The following CIT variants were observed in gnomAD, a reference collection of about 807,000 sequenced individuals.
CIT encodes citron Rho-interacting kinase.
In CIT, 79 loss-of-function variants were observed where a neutral mutation model predicts 272.7. That is an observed-to-expected ratio of 0.29 (90% confidence interval 0.24 to 0.35). The LOEUF (loss-of-function observed/expected upper bound fraction) is 0.35, where lower values mean the gene tolerates loss of function less well. Among genes scored for constraint, CIT ranks in the 10% least tolerant of loss-of-function variants. The pLI, the probability that CIT is intolerant of heterozygous loss-of-function variation, is 1.00. For missense variants in CIT, 1,909 were observed against 2,618.3 expected, an observed-to-expected ratio of 0.73 and a Z score of 5.91; for synonymous variants, 948 against 995.6, an observed-to-expected ratio of 0.95 and a Z score of 0.90.
chr12:119,808,589 G>A (rs1237084881), intron 9 of CIT, among the ~76,000 whole-genome samples: 1 of 151,986 alleles, frequency 6.6e-6, no homozygotes, highest in East Asian at 1.9e-4. Context: ...ATGGATTGCA[G>A]AAATGGGAGA....
rs548459002 is a variant in CIT at position 119,764,105 on chromosome 12, G to A, written c.2304+2982C>T. Among the ~76,000 whole-genome samples, 40 of 152,230 alleles carry A rather than the reference G, an allele frequency of 2.6e-4. No homozygotes were observed. The South Asian group carries it at 4.4e-3, about 17-fold the overall frequency. Reference sequence around the variant, plus strand: ...TTTATAGCCTCAGTGGTCAAGAAAAGGCAGAAATGAAAGCCCCCGACCACC... The same window carrying A: ...TTTATAGCCTCAGTGGTCAAGAAAAAGCAGAAATGAAAGCCCCCGACCACC... On this transcript the variant is annotated intron_variant, in intron 19 of 47. Coordinates refer to ENST00000392521, the MANE Select transcript of CIT (RefSeq NM_001206999.2).
intron 6 of CIT, among the ~76,000 whole-genome samples, chr12:119,833,562 G>A (rs921245568): frequency 2.1e-4 from 31 of 151,112 alleles, no homozygotes; most frequent in African/African-American, 7.3e-5. Flanking sequence ...CTACTTGGGA[G>A]GCTGAGGCAG....
At chr12:119,707,191 C>G (rs778178247) in intron 40 of CIT, among the ~76,000 whole-genome samples, 9 of 152,144 alleles carry the variant, frequency 5.9e-5, no homozygotes, top group African/African-American at 2.2e-4. Flanking sequence ...GACATACACA[C>G]GCACATGCAA....
intron 24 of CIT, among the ~76,000 whole-genome samples, chr12:119,736,136 T>C (rs888340809): frequency 6.6e-6 from 1 of 152,234 alleles, no homozygotes; most frequent in African/African-American, 2.4e-5. Context: ...TTTAGTATTA[T>C]GGCTTGCAGA....
Position 119,834,233 on chromosome 12 carries a change from A to T in CIT, c.517-5T>A, listed in dbSNP as rs763132450. 1 of 1,584,676 alleles carries T rather than the reference A, an allele frequency of 6.3e-7. No individual in the cohort carries two copies. The highest frequency in any genetic ancestry group is 1.2e-5 in the South Asian group (1 of 85,896). The stretch of plus-strand genomic sequence containing the variant: ...TCCAGGCTGATATTCCATGACCTGT[A>T]TAGAATGCCAAAGTTATTAATTCTT... On this transcript the variant is annotated splice_region_variant and splice_polypyrimidine_tract_variant and intron_variant, in intron 5 of 47. Coordinates refer to ENST00000392521, the MANE Select transcript of CIT (RefSeq NM_001206999.2).
At chr12:119,839,817 C>G (rs1198670663) in intron 5 of CIT, among the ~76,000 whole-genome samples, 1 of 152,050 alleles carries the variant, frequency 6.6e-6, no homozygotes, top group Non-Finnish European at 1.5e-5. Flanking sequence ...TGATGAAGCA[C>G]CCCAGGGCTA....
At chr12:119,840,614 C>T (rs1458259285) in intron 5 of CIT, among the ~76,000 whole-genome samples, 1 of 152,088 alleles carries the variant, frequency 6.6e-6, no homozygotes, top group Admixed American at 6.6e-5. Flanking sequence ...AAAATTGAAG[C>T]GGAAAAGGCC....
chr12:119,810,783 TG>T (rs1332564673), intron 9 of CIT, among the ~76,000 whole-genome samples: 1 of 150,924 alleles, frequency 6.6e-6, no homozygotes, highest in Non-Finnish European at 1.5e-5. Flanking sequence ...GTTCTTATCA[TG>T]GGAACAACTC....
chr12:119,839,568 C>G (rs903428552), intron 5 of CIT, among the ~76,000 whole-genome samples: 4 of 152,226 alleles, frequency 2.6e-5, no homozygotes, highest in African/African-American at 9.6e-5. Flanking sequence ...AATAAAAACT[C>G]TGTTATTTTC....
At chr12:119,871,572 A>G (rs1950679723) in intron 2 of CIT, among the ~76,000 whole-genome samples, 1 of 152,026 alleles carries the variant, frequency 6.6e-6, no homozygotes. Flanking sequence ...CAAGTTCCCC[A>G]GCAGGGAGAG....
Position 119,690,115 on chromosome 12 carries a change from C to T in CIT, c.6186+36G>A, listed in dbSNP as rs1043485578. On this transcript the variant is annotated intron_variant, in intron 47 of 47. Coordinates refer to ENST00000392521, the MANE Select transcript of CIT (RefSeq NM_001206999.2). The surrounding 1 kb of genome is among the most constrained non-coding windows in gnomAD (Gnocchi z 6.0). ...AGTTCCCCAAGTCACTCCTGGCCTC[C>T]GCAACAGACACACAGGCCTCGGAAT... 12 of 1,439,546 alleles carry T rather than the reference C, an allele frequency of 8.3e-6. No homozygotes were observed. Among genetic ancestry groups the T allele is most frequent in the Admixed American group, 2.8e-5 (1 of 35,694 alleles). 89.2% of individuals were successfully genotyped at this position (1,439,546 alleles called of 1,614,324 possible).
chr12:119,729,959 C>T (rs2137211906), intron 27 of CIT, among the ~76,000 whole-genome samples: 1 of 152,286 alleles, frequency 6.6e-6, no homozygotes, highest in African/African-American at 2.4e-5. Context: ...ATCTCCAAAA[C>T]ATTGTTTATG....
At chr12:119,820,155 A>G (rs1967562431) in intron 9 of CIT, among the ~76,000 whole-genome samples, 1 of 152,262 alleles carries the variant, frequency 6.6e-6, no homozygotes, top group Non-Finnish European at 1.5e-5. Flanking sequence ...GAGAATTGGT[A>G]AAATCCAAAA....
intron 7 of CIT, among the ~76,000 whole-genome samples, chr12:119,831,839 C>T (rs1968661860): frequency 6.6e-6 from 1 of 152,000 alleles, no homozygotes; most frequent in Non-Finnish European, 1.5e-5. Flanking sequence ...CACTGCACTC[C>T]AGCCTGGGGG....
rs1043389319 is a variant in CIT, at chr12:119,712,953, G to A, written c.4579+250C>T. 8 of 581,492 alleles carry A rather than the reference G, an allele frequency of 1.4e-5. No individual in the cohort carries two copies. In the African/African-American group the frequency reaches 1.5e-4, roughly 11 times the overall value. The allele number at this position is 581,492 out of a possible 1,614,324, so 36.0% of individuals were successfully genotyped here. ...ATTTATGGGTTAGTTGACTGAGGCA[G>A]AAGTTCTCGGAAGGTGTATTAGCAG... is the stretch of plus-strand genomic sequence containing the variant. On this transcript the variant is annotated intron_variant, in intron 35 of 47. Coordinates refer to ENST00000392521, the MANE Select transcript of CIT (RefSeq NM_001206999.2). The surrounding 1 kb of genome is among the most constrained non-coding windows in gnomAD (Gnocchi z 5.2).
At chr12:119,714,492 A>C (rs1957341486) in intron 32 of CIT, among the ~76,000 whole-genome samples, 158 bp from the exon 33 acceptor site, 1 of 152,204 alleles carries the variant, frequency 6.6e-6, no homozygotes, top group Non-Finnish European at 1.5e-5. Flanking sequence ...CAACTCAATA[A>C]TAAAAGGACA....
intron 13 of CIT, among the ~76,000 whole-genome samples, chr12:119,780,533 C>G (rs945210741): frequency 2.0e-5 from 3 of 152,176 alleles, no homozygotes; most frequent in Non-Finnish European, 2.9e-5. Context: ...AGGAGAATCA[C>G]TTGAACCCAG....
intron 6 of CIT, among the ~76,000 whole-genome samples, chr12:119,833,756 A>G (rs1022224246): frequency 6.6e-6 from 1 of 151,942 alleles, no homozygotes; most frequent in African/African-American, 2.4e-5. Context: ...GTGGTATGAC[A>G]TTTCCTTCTG....
At chr12:119,836,824 C>T (rs1235831802) in intron 5 of CIT, among the ~76,000 whole-genome samples, 1 of 152,216 alleles carries the variant, frequency 6.6e-6, no homozygotes, top group Non-Finnish European at 1.5e-5. Flanking sequence ...CTACTCCTGA[C>T]ATTCTATTTG....
Sources: gnomAD v4.1 joint callset for allele counts (sites outside exome capture counted in the v4.1 genomes callset) on GRCh38, gnomAD v4.1.1 for gene constraint, Gnocchi (gnomAD v3.1) non-coding constraint, MANE v1.5 for transcripts, NCBI Gene and HGNC (gene_info 2026-07-23, HGNC 2026-07-21) for gene names.